Variants in NTN1 observed in about 807,000 individuals in gnomAD.
The protein encoded by NTN1 is netrin-1.
Under a neutral mutation model 54.2 loss-of-function variants are expected in NTN1, and 11 were observed. The observed-to-expected ratio is 0.20, with a 90% CI of 0.13 to 0.34. The LOEUF (loss-of-function observed/expected upper bound fraction) is 0.34. Among genes scored for constraint, NTN1 ranks in the 10% least tolerant of loss-of-function variants. The pLI is 1.00. For synonymous variants in NTN1, 371 were observed against 382.0 expected (o/e 0.97, Z 0.33); for missense variants, 740 against 893.1 (o/e 0.83, Z 2.18).
chr17:9,227,059 T>C (rs1453837021), intron 6 of NTN1, among the ~76,000 whole-genome samples: 1 of 151,916 alleles, frequency 6.6e-6, no homozygotes, highest in African/African-American at 2.4e-5. Flanking sequence ...CTTCCTCCCA[T>C]CCCGTCCCCG....
intron 6 of NTN1, among the ~76,000 whole-genome samples, chr17:9,224,857 C>T (rs1905482014): frequency 6.6e-6 from 1 of 152,164 alleles, no homozygotes; most frequent in Non-Finnish European, 1.5e-5. Flanking sequence ...GGGGCTCTGG[C>T]ACCACTAGCT....
chr17:9,053,603 G>C (rs997146085), intron 2 of NTN1, among the ~76,000 whole-genome samples: 1 of 152,196 alleles, frequency 6.6e-6, no homozygotes, highest in Admixed American at 6.5e-5. Flanking sequence ...CAAGGATTCC[G>C]ACTGTTATCT....
At chr17:9,073,937 G>T (rs1401270852) in intron 2 of NTN1, among the ~76,000 whole-genome samples, 1 of 152,184 alleles carries the variant, frequency 6.6e-6, no homozygotes, top group East Asian at 1.9e-4. Flanking sequence ...TCATTCAAGG[G>T]AATCAGAGGA....
intron 2 of NTN1, among the ~76,000 whole-genome samples, chr17:9,051,180 G>A (rs1013396707): frequency 2.0e-5 from 3 of 152,140 alleles, no homozygotes; most frequent in East Asian, 1.9e-4. Context: ...AAGTTACACC[G>A]ACTTCAAACA....
intron 2 of NTN1, among the ~76,000 whole-genome samples, chr17:9,042,966 C>T (rs2091927426): frequency 6.6e-6 from 1 of 152,172 alleles, no homozygotes; most frequent in Non-Finnish European, 1.5e-5. Flanking sequence ...ATTAGCCCAT[C>T]TGAGCCCTGT....
rs143532657 is a variant in NTN1, at chr17:9,183,661, G to A, written c.1411+692G>A. The A allele has an allele frequency of 4.4e-3, 954 of 215,392 alleles. 16 individuals are homozygous for A. Among genetic ancestry groups the A allele is most frequent in the African/African-American group, 0.021 (867 of 42,280 alleles). 13.3% of individuals were successfully genotyped at this position (215,392 alleles called of 1,614,324 possible). A position where few individuals can be genotyped will look rare whatever the true frequency, so the allele number is the denominator to read the frequency against. Reference sequence around the variant, plus strand: ...TATAATCATTAATAAAGAAGCACTCGCGTAACGTAACCATACCATCAATCT... The same window carrying A: ...TATAATCATTAATAAAGAAGCACTCACGTAACGTAACCATACCATCAATCT... On this transcript the variant is annotated intron_variant, in intron 5 of 6. Transcript: ENST00000173229.
intron 2 of NTN1, among the ~76,000 whole-genome samples, chr17:9,059,319 C>G (rs540036997): frequency 6.6e-6 from 1 of 152,290 alleles, no homozygotes; most frequent in African/African-American, 2.4e-5. Flanking sequence ...ACACTGAAAA[C>G]AGGTATTTAG....
At chr17:9,009,430 G>A in the NTN1 span, among the ~76,000 whole-genome samples, 27 of 152,300 alleles carry the variant, frequency 1.8e-4, no homozygotes, top group Middle Eastern at 3.4e-3. Context: ...GGGCTGGCAT[G>A]GTGATGCTCC....
chr17:9,083,499 T>C (rs2092079255), intron 2 of NTN1, among the ~76,000 whole-genome samples: 1 of 152,260 alleles, frequency 6.6e-6, no homozygotes, highest in Admixed American at 6.5e-5. Flanking sequence ...GGTTCAGGAA[T>C]GGTCATGTGA....
intron 2 of NTN1, among the ~76,000 whole-genome samples, chr17:9,128,728 G>A (rs1369740910): frequency 2.0e-5 from 3 of 152,164 alleles, no homozygotes; most frequent in Non-Finnish European, 2.9e-5. Flanking sequence ...ATTCTGAGGG[G>A]TTCCTCTGGA....
intron 3 of NTN1, among the ~76,000 whole-genome samples, chr17:9,163,496 A>G (rs150991819): frequency 6.3e-5 from 1 of 15,794 alleles, no homozygotes; most frequent in Admixed American, 7.6e-4. Context: ...ACACACACAC[A>G]CACACACACA....
chr17:9,234,963 G>T (rs1307542954), intron 6 of NTN1, among the ~76,000 whole-genome samples: 54 of 67,410 alleles, frequency 8.0e-4, no homozygotes, highest in East Asian at 3.8e-3. Context: ...TTTGTTTTTT[G>T]GTTTTTTTTT....
intron 6 of NTN1, among the ~76,000 whole-genome samples, chr17:9,238,955 CCTT>C (rs1398182946): frequency 2.6e-5 from 4 of 152,216 alleles, no homozygotes; most frequent in Admixed American, 1.3e-4. Flanking sequence ...TTGGGGAAGT[CCTT>C]CTACTAGGGA....
chr17:9,014,641 ACCC>A, the NTN1 span, among the ~76,000 whole-genome samples: 1 of 152,120 alleles, frequency 6.6e-6, no homozygotes, highest in Admixed American at 6.5e-5. Context: ...GCCACTGCTC[ACCC>A]TCCTGGAGAG....
rs968436153 is a variant in NTN1, at chr17:9,165,364, C to T, written c.1207+2363C>T. 6.6e-6 allele frequency among the ~76,000 whole-genome samples: 1 copy of T among 152,186 alleles called. No individual in the cohort carries two copies. The highest frequency in any genetic ancestry group is 2.4e-5 in the African/African-American group (1 of 41,442). ...GTCCCGGGAACCCGCAGGCCATTCTCCAGGGGTCTGCCACTCTGGCTGAAT... is the reference window on the plus strand; with the variant it reads ...GTCCCGGGAACCCGCAGGCCATTCTTCAGGGGTCTGCCACTCTGGCTGAAT... On this transcript the variant is annotated intron_variant, in intron 3 of 6. Coordinates refer to ENST00000173229, the MANE Select transcript of NTN1 (RefSeq NM_004822.3). The surrounding 1 kb of genome is among the most constrained non-coding windows in gnomAD (Gnocchi z 4.5).
chr17:9,010,634 G>A, the NTN1 span, among the ~76,000 whole-genome samples: 2 of 152,160 alleles, frequency 1.3e-5, no homozygotes, highest in Non-Finnish European at 2.9e-5. Flanking sequence ...TTAGTTTCCT[G>A]CGGCTGCTGT....
In NTN1 at chr17:9,241,656, T is replaced by C; in HGVS notation, c.*1688T>C. 6.6e-6 allele frequency: 1 copy of C among 152,528 alleles called. No homozygotes were observed. Among genetic ancestry groups the C allele is most frequent in the Non-Finnish European group, 1.5e-5 (1 of 68,190 alleles). 9.4% of individuals were successfully genotyped at this position (152,528 alleles called of 1,614,324 possible). On this transcript the variant is annotated 3_prime_UTR_variant, in exon 7 of 7. Transcript: ENST00000173229. ...TGGCTTCCCTCCGCCTTCCCCACAT[T>C]TACCCGCATCACGGCTGCCATTTAT...
At chr17:9,178,681 T>A (rs1317140847) in intron 3 of NTN1, among the ~76,000 whole-genome samples, 1 of 152,182 alleles carries the variant, frequency 6.6e-6, no homozygotes, top group East Asian at 1.9e-4. Context: ...ACACCTGGAA[T>A]TGCTGCCGGA....
intron 2 of NTN1, among the ~76,000 whole-genome samples, chr17:9,147,976 C>T (rs1486588561): frequency 6.6e-6 from 1 of 152,160 alleles, no homozygotes; most frequent in Non-Finnish European, 1.5e-5. Context: ...TCTGGCCATA[C>T]TTGCCTTCCT....
Sources: gnomAD v4.1 joint callset for allele counts (sites outside exome capture counted in the v4.1 genomes callset) on GRCh38, gnomAD v4.1.1 for gene constraint, Gnocchi (gnomAD v3.1) non-coding constraint, MANE v1.5 for transcripts, NCBI Gene and HGNC (gene_info 2026-07-23, HGNC 2026-07-21) for gene names.